TSPAN33: variants seen among roughly 807,000 people sequenced by gnomAD.
The protein encoded by TSPAN33 is tetraspanin 33.
A neutral mutation model predicts 34.8 loss-of-function variants in TSPAN33; 27 were observed. The ratio of observed to expected loss-of-function variants is 0.78; its 90% CI spans 0.57 to 1.07. The LOEUF is 1.07. TSPAN33 is among the 50% of genes least tolerant of loss of function. The probability of loss-of-function intolerance (pLI) is 0.00; values close to 1 mark genes in which losing one functional copy is unlikely to be tolerated. For synonymous variants in TSPAN33, 119 were observed against 124.2 expected (o/e 0.96, Z 0.28); for missense variants, 272 against 324.9 (o/e 0.84, Z 1.25).
intron 2 of TSPAN33, among the ~76,000 whole-genome samples, 154 bp downstream of exon 2, chr7:129,161,890 C>G (rs1229836995): frequency 6.6e-6 from 1 of 152,216 alleles, no homozygotes; most frequent in African/African-American, 2.4e-5. Flanking sequence ...GTCAGACCCC[C>G]CCAGGCCAGT....
At position 129,148,458 on chromosome 7, in the gene TSPAN33, T is replaced by C. The variant is rs1305309121; in HGVS notation, c.102+3376T>C. ...AGTGCCCAGCTGTGTTTGGCATAAATTGGGTGCTTACTGAATGTTTATTGG... is the reference window on the plus strand; with the variant it reads ...AGTGCCCAGCTGTGTTTGGCATAAACTGGGTGCTTACTGAATGTTTATTGG... On this transcript the variant is annotated intron_variant, in intron 1 of 7. Coordinates refer to ENST00000486685, the MANE Select transcript of TSPAN33 (RefSeq NM_178562.5). The surrounding 1 kb of genome is among the most constrained non-coding windows in gnomAD (Gnocchi z 4.2). Among the ~76,000 whole-genome samples, 2 of 152,212 alleles carry C rather than the reference T, an allele frequency of 1.3e-5. No homozygotes were observed. The highest frequency in any genetic ancestry group is 4.8e-5 in the African/African-American group (2 of 41,444).
intron 1 of TSPAN33, among the ~76,000 whole-genome samples, chr7:129,160,629 G>C (rs905176644): frequency 6.6e-6 from 1 of 152,220 alleles, no homozygotes; most frequent in Admixed American, 6.5e-5. Flanking sequence ...ACTGGAATCA[G>C]AGTTTGTGAA....
intron 2 of TSPAN33, 104 bp from the exon 3 acceptor site, chr7:129,162,290 T>G: frequency 6.5e-7 from 1 of 1,532,822 alleles, no homozygotes; most frequent in South Asian, 1.2e-5. Context: ...ATAATGGAGA[T>G]TCCCCCACCA....
In TSPAN33 at chr7:129,162,413, G is replaced by A. The variant is rs1036667260; in HGVS notation, c.180G>A (p.Leu60=). The A allele has an allele frequency of 6.2e-7, 1 of 1,613,624 alleles. No homozygotes were observed. The highest frequency in any genetic ancestry group is 1.3e-5 in the African/African-American group (1 of 75,058). ...MKHAEAALAC[L]AVDPAILLIV... The stretch of plus-strand genomic sequence containing the variant: ...TTCCAGAAGCAGCCCTAGCCTGCCT[G>A]GCAGTGGACCCTGCCATCCTGCTGA... Residue 60 remains leucine (L), a synonymous_variant, in exon 3 of 8, where the codon CTG becomes CTA. Coordinates refer to ENST00000486685, the MANE Select transcript of TSPAN33 (RefSeq NM_178562.5).
chr7:129,150,415 C>T (rs1322492046), intron 1 of TSPAN33, among the ~76,000 whole-genome samples: 1 of 152,180 alleles, frequency 6.6e-6, no homozygotes, highest in African/African-American at 2.4e-5. Flanking sequence ...AGCTGCTCCC[C>T]CAAGGGAACC....
At position 129,167,907 on chromosome 7, in the gene TSPAN33, T is replaced by C; in HGVS notation, c.*33T>C. 1.2e-6 allele frequency: 2 copies of C among 1,610,052 alleles called. No individual in the cohort carries two copies. Among genetic ancestry groups the C allele is most frequent in the South Asian group, 1.1e-5 (1 of 90,368 alleles). The stretch of plus-strand genomic sequence containing the variant: ...TCCTGCACCTCCTCACCATGGAAAC[T>C]GGCAAGCCTCATAAACGAACAGCAG... On this transcript the variant is annotated 3_prime_UTR_variant, in exon 8 of 8. Coordinates refer to ENST00000486685, the MANE Select transcript of TSPAN33 (RefSeq NM_178562.5). This position sits in a 1 kb window ranked among gnomAD's most constrained non-coding sequence, Gnocchi z 4.6.
chr7:129,145,585 A>G (rs1441609250), intron 1 of TSPAN33, among the ~76,000 whole-genome samples: 2 of 149,486 alleles, frequency 1.3e-5, no homozygotes, highest in African/African-American at 2.5e-5. Flanking sequence ...GTCTAGGAAG[A>G]ATGGCCTCCA....
At chr7:129,164,046 C>T (rs917641434) in intron 4 of TSPAN33, among the ~76,000 whole-genome samples, 13 of 152,024 alleles carry the variant, frequency 8.6e-5, no homozygotes, top group Non-Finnish European at 1.3e-4. Flanking sequence ...CAGTAAGATC[C>T]TGAAATGATG....
rs989444065 is a variant in TSPAN33, at chr7:129,168,430, G to C, written c.*556G>C. The C allele has an allele frequency of 6.5e-6, 1 of 153,414 alleles. No homozygotes were observed. The highest frequency in any genetic ancestry group is 1.5e-5 in the Non-Finnish European group (1 of 68,664). 9.5% of individuals were successfully genotyped at this position (153,414 alleles called of 1,614,324 possible). A position where few individuals can be genotyped will look rare whatever the true frequency, so the allele number is the denominator to read the frequency against. The stretch of plus-strand genomic sequence containing the variant: ...GCTAGGTAGGAGTGGAGGGAGATAT[G>C]TTTACCAAATGCCTGTCCTGCCATC... On this transcript the variant is annotated 3_prime_UTR_variant, in exon 8 of 8. Coordinates refer to ENST00000486685, the MANE Select transcript of TSPAN33 (RefSeq NM_178562.5).
At chr7:129,164,639 T>G in intron 5 of TSPAN33, 70 bp downstream of exon 5, 1 of 1,393,736 alleles carries the variant, frequency 7.2e-7, no homozygotes, top group South Asian at 1.2e-5. Flanking sequence ...TGCCTCACCC[T>G]CTATGCCTGT....
Position 129,167,676 on chromosome 7 carries a change from G to A in TSPAN33, c.751-97G>A. On this transcript the variant is annotated intron_variant, in intron 7 of 7. Transcript: ENST00000486685. The surrounding 1 kb of genome is among the most constrained non-coding windows in gnomAD (Gnocchi z 4.6). ...AGGCACTGACATGGCTGAGGGGTAG[G>A]GAAAGGGATAGTGCTGGCCGCACTG... 6.4e-7 allele frequency: 1 copy of A among 1,563,750 alleles called. No individual in the cohort carries two copies. Among genetic ancestry groups the A allele is most frequent in the Non-Finnish European group, 8.8e-7 (1 of 1,141,078 alleles).
rs539724229 is a variant in TSPAN33, at chr7:129,152,839, A to T, written c.102+7757A>T. On this transcript the variant is annotated intron_variant, in intron 1 of 7. Coordinates refer to ENST00000486685, the MANE Select transcript of TSPAN33 (RefSeq NM_178562.5). ...TTGGGGAGGCCAAGGCAGGAGGATC[A>T]CCTGAGGTTGGGAGTTCGAGACCAC... is the stretch of plus-strand genomic sequence containing the variant. 1.3e-3 allele frequency among the ~76,000 whole-genome samples: 198 copies of T among 152,130 alleles called. 1 individual carries two copies. The highest frequency in any genetic ancestry group is 4.6e-3 in the African/African-American group (190 of 41,506).
chr7:129,162,782 G>A (rs140767511), intron 3 of TSPAN33, 51 bp from the exon 4 acceptor site: 17,439 of 1,597,332 alleles, frequency 0.011, 133 homozygotes, highest in Non-Finnish European at 0.012. Context: ...CCCTGGAAGG[G>A]GTTGCTGCCA....
At chr7:129,163,764 G>A (rs1793090584) in intron 4 of TSPAN33, among the ~76,000 whole-genome samples, 1 of 152,076 alleles carries the variant, frequency 6.6e-6, no homozygotes, top group African/African-American at 2.4e-5. Context: ...CCAGGAGTTC[G>A]AGTCCAGCCT....
chr7:129,163,996 C>G (rs1383676243), intron 4 of TSPAN33, among the ~76,000 whole-genome samples: 2 of 151,932 alleles, frequency 1.3e-5, no homozygotes, highest in Non-Finnish European at 2.9e-5. Flanking sequence ...AAATCGAGAG[C>G]CACTGAGTTA....
Position 129,167,709 on chromosome 7 carries a change from C to G in TSPAN33, c.751-64C>G. The G allele has an allele frequency of 8.8e-6, 14 of 1,585,756 alleles. No individual in the cohort carries two copies. The highest frequency in any genetic ancestry group is 2.2e-5 in the East Asian group (1 of 44,728). Reference sequence around the variant, plus strand: ...ATAGTGCTGGCCGCACTGGGAAGATCGAGCCAGGGAAAACAAGGCCATCAC... The same window carrying G: ...ATAGTGCTGGCCGCACTGGGAAGATGGAGCCAGGGAAAACAAGGCCATCAC... On this transcript the variant is annotated intron_variant, in intron 7 of 7. Coordinates refer to ENST00000486685, the MANE Select transcript of TSPAN33 (RefSeq NM_178562.5). The surrounding 1 kb of genome is among the most constrained non-coding windows in gnomAD (Gnocchi z 4.6).
In TSPAN33 at chr7:129,166,770, TG is replaced by T; in HGVS notation, c.460-7del. On this transcript the variant is annotated splice_polypyrimidine_tract_variant and splice_region_variant and intron_variant, in intron 5 of 7. Transcript: ENST00000486685. Reference sequence around the variant, plus strand: ...GTGATTCTTAACCTCTGGTGGGTTTTGTTGCAGTTTAGCTGCTGTGGAGGGA... The same window carrying T: ...GTGATTCTTAACCTCTGGTGGGTTTTTTGCAGTTTAGCTGCTGTGGAGGGA... 2 of 1,613,914 alleles carry T rather than the reference TG, an allele frequency of 1.2e-6. No homozygotes were observed. Among genetic ancestry groups the T allele is most frequent in the Non-Finnish European group, 1.7e-6 (2 of 1,179,886 alleles).
At chr7:129,153,729 C>T (rs556332560) in intron 1 of TSPAN33, among the ~76,000 whole-genome samples, 4 of 152,040 alleles carry the variant, frequency 2.6e-5, no homozygotes, top group South Asian at 2.1e-4. Context: ...TCACTTGAAC[C>T]CAGGAGTTCA....
intron 1 of TSPAN33, among the ~76,000 whole-genome samples, chr7:129,147,999 G>A (rs1455857444): frequency 6.6e-6 from 1 of 152,164 alleles, no homozygotes; most frequent in African/African-American, 2.4e-5. Context: ...TCCATGGCCT[G>A]GAGTAGCTGC....
Sources: gnomAD v4.1 joint callset for allele counts (sites outside exome capture counted in the v4.1 genomes callset) on GRCh38, gnomAD v4.1.1 for gene constraint, Gnocchi (gnomAD v3.1) non-coding constraint, MANE v1.5 for transcripts, NCBI Gene and HGNC (gene_info 2026-07-23, HGNC 2026-07-21) for gene names.